The following EIF4E variants were observed in gnomAD, a reference collection of about 807,000 sequenced individuals.
The protein encoded by EIF4E is eIF-4F 25 kDa subunit.
For missense variants in EIF4E, 113 were observed against 265.6 expected, an observed-to-expected ratio of 0.43 and a Z score of 3.99; for synonymous variants, 71 against 88.5, an observed-to-expected ratio of 0.80 and a Z score of 1.11.
chr4:98,894,853 G>A (rs1326514153), intron 2 of EIF4E, among the ~76,000 whole-genome samples: 2 of 152,250 alleles, frequency 1.3e-5, no homozygotes, highest in East Asian at 1.9e-4. Flanking sequence ...TGTCTTCCTC[G>A]TAAGCGTAAT....
intron 1 of EIF4E, among the ~76,000 whole-genome samples, chr4:98,914,746 C>T (rs558836516): frequency 5.3e-5 from 8 of 152,128 alleles, no homozygotes. Flanking sequence ...TGTACAACAT[C>T]AGGAGTGAAC....
Position 98,881,224 on chromosome 4 carries a change from T to C in EIF4E, c.540-82A>G, listed in dbSNP as rs112318982. 1.1e-4 allele frequency: 169 copies of C among 1,520,596 alleles called. 1 individual carries two copies. The African/African-American group carries it at 1.9e-3, about 17-fold the overall frequency. The allele number at this position is 1,520,596 out of a possible 1,614,324, so 94.2% of individuals were successfully genotyped here. Reference sequence around the variant, plus strand: ...AAATACATTTAAAAATTTAGGGTTATTAGTCTTTATATTAAAAAACATAGA... The same window carrying C: ...AAATACATTTAAAAATTTAGGGTTACTAGTCTTTATATTAAAAAACATAGA... On this transcript the variant is annotated intron_variant, in intron 6 of 6. Coordinates refer to ENST00000450253, the MANE Select transcript of EIF4E (RefSeq NM_001968.5).
At chr4:98,928,236 C>T (rs771145315) in intron 1 of EIF4E, among the ~76,000 whole-genome samples, 6 of 151,908 alleles carry the variant, frequency 3.9e-5, no homozygotes, top group Non-Finnish European at 8.8e-5. Flanking sequence ...CAGGTCCGGC[C>T]GGCAAGCCGA....
intron 2 of EIF4E, among the ~76,000 whole-genome samples, chr4:98,894,036 C>CAGT (rs1383902758): frequency 6.6e-6 from 1 of 152,218 alleles, no homozygotes; most frequent in Non-Finnish European, 1.5e-5. Context: ...CGACTAGGCG[C>CAGT]ATCATCAAGG....
At chr4:98,909,100 A>G (rs1023136072) in intron 1 of EIF4E, among the ~76,000 whole-genome samples, 6 of 152,208 alleles carry the variant, frequency 3.9e-5, no homozygotes, top group Non-Finnish European at 8.8e-5. Flanking sequence ...CCAATAAACT[A>G]GTAAAAAAGG....
intron 5 of EIF4E, among the ~76,000 whole-genome samples, chr4:98,885,859 C>T (rs1361721480): frequency 6.6e-6 from 1 of 152,152 alleles, no homozygotes; most frequent in Non-Finnish European, 1.5e-5. Flanking sequence ...GTACAACCAT[C>T]CCTACTACCA....
intron 1 of EIF4E, among the ~76,000 whole-genome samples, chr4:98,912,410 A>C (rs1235660751): frequency 1.3e-5 from 2 of 151,584 alleles, no homozygotes; most frequent in Non-Finnish European, 2.9e-5. Context: ...CCCAGCCGCT[A>C]CTAAAAAATA....
In EIF4E at chr4:98,925,415, TCA is replaced by T. The variant is rs577152876; in HGVS notation, c.18+3678_18+3679del. ...TGGAGGTAAGATGGCCTTGCCATTT[TCA>T]CAGACTAATATTAAACCTAATTTTG... On this transcript the variant is annotated intron_variant, in intron 1 of 6. Transcript: ENST00000450253. Among the ~76,000 whole-genome samples the T allele has an allele frequency of 7.2e-5, 11 of 152,348 alleles. No homozygotes were observed. The East Asian group carries it at 7.7e-4, about 11-fold the overall frequency.
chr4:98,880,501 G>A lies in EIF4E; in HGVS notation c.*527C>T, dbSNP rs374996477. ...AAATCAGAATCACTAATATTATCAA[G>A]TAGGGAAACAAATAAATTAAAATCT... On this transcript the variant is annotated 3_prime_UTR_variant, in exon 7 of 7. Transcript: ENST00000450253. The A allele has an allele frequency of 0.17, 14,493 of 84,516 alleles. 1,728 individuals carry two copies. The highest frequency in any genetic ancestry group is 0.25 in the Non-Finnish European group (10,609 of 42,068). 5.2% of individuals were successfully genotyped at this position (84,516 alleles called of 1,614,324 possible). A position where few individuals can be genotyped will look rare whatever the true frequency, so the allele number is the denominator to read the frequency against.
Position 98,887,216 on chromosome 4 carries a change from A to G in EIF4E, c.286-24T>C, listed in dbSNP as rs780615864. On this transcript the variant is annotated intron_variant, in intron 4 of 6. Transcript: ENST00000450253. This position sits in a 1 kb window ranked among gnomAD's most constrained non-coding sequence, Gnocchi z 4.0. The stretch of plus-strand genomic sequence containing the variant: ...TCCTACAGGGTTAGAAGACAACAGT[A>G]TTACACAACATTGTTACCTTGACTT... 1 of 1,600,964 alleles carries G rather than the reference A, an allele frequency of 6.2e-7. No homozygotes were observed.
At chr4:98,924,710 G>A (rs918296657) in intron 1 of EIF4E, among the ~76,000 whole-genome samples, 6 of 151,758 alleles carry the variant, frequency 4.0e-5, no homozygotes, top group Non-Finnish European at 7.4e-5. Flanking sequence ...CTCCTGCCTT[G>A]GCCTCCCCAG....
At chr4:98,905,623 T>C (rs942979244) in intron 1 of EIF4E, among the ~76,000 whole-genome samples, 1 of 152,114 alleles carries the variant, frequency 6.6e-6, no homozygotes, top group African/African-American at 2.4e-5. Flanking sequence ...AGAGATTAAA[T>C]ACAAATGGCA....
intron 2 of EIF4E, among the ~76,000 whole-genome samples, chr4:98,896,938 G>C (rs867032662): frequency 2.0e-5 from 3 of 152,184 alleles, no homozygotes; most frequent in East Asian, 1.9e-4. Context: ...CTGGGTGACA[G>C]AGTGAGACCC....
At chr4:98,922,898 G>T (rs1725711353) in intron 1 of EIF4E, among the ~76,000 whole-genome samples, 2 of 149,410 alleles carry the variant, frequency 1.3e-5, no homozygotes, top group Admixed American at 6.7e-5. Context: ...GCCCAGGCTG[G>T]AGTGCGATGG....
intron 1 of EIF4E, among the ~76,000 whole-genome samples, chr4:98,905,701 G>C (rs901734485): frequency 1.3e-5 from 2 of 152,202 alleles, no homozygotes; most frequent in African/African-American, 4.8e-5. Flanking sequence ...GATTTGCTGA[G>C]TTTATCAGCT....
intron 1 of EIF4E, among the ~76,000 whole-genome samples, chr4:98,927,654 CAAAAAAAAAAAAAA>C (rs774720176): frequency 1.7e-3 from 58 of 35,092 alleles, no homozygotes; most frequent in South Asian, 0.011. Flanking sequence ...GACTCCATCT[CAAAAAAAAAAAAAA>C]AAAAAAAAAA....
At chr4:98,899,951 G>C (rs1724577798) in intron 2 of EIF4E, among the ~76,000 whole-genome samples, 1 of 150,774 alleles carries the variant, frequency 6.6e-6, no homozygotes, top group Non-Finnish European at 1.5e-5. Context: ...AGAATTTATA[G>C]AGAAACTGAA....
intron 5 of EIF4E, among the ~76,000 whole-genome samples, chr4:98,885,364 T>C (rs116596781): frequency 0.025 from 3,873 of 152,298 alleles, 149 homozygotes; most frequent in African/African-American, 0.089. Flanking sequence ...CAAACAAATA[T>C]TAATAGAATA....
At chr4:98,892,051 G>C (rs953462760) in intron 2 of EIF4E, among the ~76,000 whole-genome samples, 2 of 152,146 alleles carry the variant, frequency 1.3e-5, no homozygotes, top group Non-Finnish European at 2.9e-5. Flanking sequence ...AGTTATTTAA[G>C]AAAAACACAG....
Sources: gnomAD v4.1 joint callset for allele counts (sites outside exome capture counted in the v4.1 genomes callset) on GRCh38, gnomAD v4.1.1 for gene constraint, Gnocchi (gnomAD v3.1) non-coding constraint, MANE v1.5 for transcripts, NCBI Gene and HGNC (gene_info 2026-07-23, HGNC 2026-07-21) for gene names.